SPTLC1: variants seen among roughly 807,000 people sequenced by gnomAD.
The protein encoded by SPTLC1 is serine palmitoyltransferase long chain base subunit 1.
SPTLC1 carries 55 observed loss-of-function variants against 68.9 expected under a neutral mutation model. That is an observed-to-expected ratio of 0.80 (90% CI 0.64 to 1.00). SPTLC1 has a LOEUF of 1.00. Among genes scored for constraint, SPTLC1 ranks in the 50% least tolerant of loss-of-function variants. The pLI is 0.00. For missense variants in SPTLC1, 449 were observed against 573.1 expected, an observed-to-expected ratio of 0.78 and a Z score of 2.21; for synonymous variants, 197 against 201.6, an observed-to-expected ratio of 0.98 and a Z score of 0.19.
chr9:92,077,521 C>T (rs1192737261), intron 5 of SPTLC1, among the ~76,000 whole-genome samples: 1 of 152,064 alleles, frequency 6.6e-6, no homozygotes, highest in African/African-American at 2.4e-5. Context: ...CAGCCTAGCT[C>T]CTCTGCCTCC....
intron 3 of SPTLC1, among the ~76,000 whole-genome samples, chr9:92,106,472 CAAAAAA>C (rs34928872): frequency 1.5e-5 from 1 of 68,374 alleles, no homozygotes. Flanking sequence ...GACTCCGTCT[CAAAAAA>C]AAAAAAAAAA....
At chr9:92,060,688 C>T (rs1455184451) in intron 6 of SPTLC1, among the ~76,000 whole-genome samples, 2 of 149,646 alleles carry the variant, frequency 1.3e-5, no homozygotes, top group East Asian at 3.9e-4. Context: ...GGGTGGATCA[C>T]GAGGTCAGGA....
intron 3 of SPTLC1, among the ~76,000 whole-genome samples, chr9:92,106,233 G>A (rs932837543): frequency 6.6e-6 from 1 of 152,048 alleles, no homozygotes; most frequent in African/African-American, 2.4e-5. Flanking sequence ...CTGCATTTTC[G>A]ACATTAAAGT....
At chr9:92,059,084 C>T (rs1833996199) in intron 7 of SPTLC1, 95 bp downstream of exon 7, 7 of 1,453,422 alleles carry the variant, frequency 4.8e-6, no homozygotes, top group South Asian at 1.2e-5. Flanking sequence ...ATGTGATCCA[C>T]AGGCAAGTTT....
At chr9:92,048,628 C>T (rs1448671299) in intron 9 of SPTLC1, among the ~76,000 whole-genome samples, 2 of 152,120 alleles carry the variant, frequency 1.3e-5, no homozygotes, top group Non-Finnish European at 2.9e-5. Context: ...TGTAGTGAGT[C>T]CCAGACTTCA....
chr9:92,091,101 T>G (rs1446873279), intron 3 of SPTLC1, among the ~76,000 whole-genome samples: 1 of 148,238 alleles, frequency 6.7e-6, no homozygotes, highest in South Asian at 2.1e-4. Context: ...TCTCTAACAA[T>G]GCTACCTTTA....
At chr9:92,104,494 C>G (rs1024257505) in intron 3 of SPTLC1, 6 of 1,408,970 alleles carry the variant, frequency 4.3e-6, no homozygotes, top group South Asian at 1.3e-5. Context: ...GGTCTGGAGC[C>G]CCCCCCTCAA....
intron 8 of SPTLC1, among the ~76,000 whole-genome samples, chr9:92,052,535 T>C (rs945640942): frequency 1.4e-5 from 2 of 143,542 alleles, no homozygotes; most frequent in Non-Finnish European, 3.1e-5. Context: ...ATTATTATTA[T>C]TTTTTTTTTT....
At chr9:92,040,073 T>TA (rs537037153) in intron 12 of SPTLC1, among the ~76,000 whole-genome samples, 1 of 152,080 alleles carries the variant, frequency 6.6e-6, no homozygotes, top group South Asian at 2.1e-4. Context: ...CTCACAGTAT[T>TA]AAAAAATTGC....
intron 3 of SPTLC1, chr9:92,108,538 T>C (rs897976787): frequency 1.6e-6 from 1 of 625,278 alleles, no homozygotes; most frequent in Non-Finnish European, 2.7e-6. Flanking sequence ...CAAACATTAA[T>C]GCTTAAATTG....
chr9:92,097,917 T>C (rs1039939248), intron 3 of SPTLC1, among the ~76,000 whole-genome samples: 1 of 152,214 alleles, frequency 6.6e-6, no homozygotes, highest in Non-Finnish European at 1.5e-5. Context: ...CAATAAGGCT[T>C]CTGTCTAAAG....
intron 5 of SPTLC1, among the ~76,000 whole-genome samples, chr9:92,075,915 A>G (rs1478303350): frequency 2.6e-5 from 4 of 151,978 alleles, no homozygotes; most frequent in African/African-American, 9.7e-5. Context: ...CCTTTTCCCC[A>G]TATTTCCCTT....
At chr9:92,114,154 C>G (rs1223584982) in intron 1 of SPTLC1, among the ~76,000 whole-genome samples, 1 of 151,872 alleles carries the variant, frequency 6.6e-6, no homozygotes. Context: ...TATGTGGTCC[C>G]AGCTACTCGG....
intron 6 of SPTLC1, among the ~76,000 whole-genome samples, chr9:92,064,128 A>G (rs897594690): frequency 2.0e-5 from 3 of 152,238 alleles, no homozygotes; most frequent in African/African-American, 7.2e-5. Flanking sequence ...TCCTAGAGCT[A>G]ATTAAGTGAG....
chr9:92,050,229 A>G, intron 8 of SPTLC1, 162 bp from the exon 9 acceptor site: 1 of 607,380 alleles, frequency 1.6e-6, no homozygotes, highest in South Asian at 1.9e-5. Context: ...TGCAACCTCC[A>G]TATCAATACT....
chr9:92,105,491 T>G (rs1402154790), intron 3 of SPTLC1: 37 of 779,854 alleles, frequency 4.7e-5, no homozygotes, highest in Non-Finnish European at 7.0e-5. Flanking sequence ...GATCAGGAGG[T>G]CAAGAGATTG....
At position 92,046,395 on chromosome 9, in the gene SPTLC1, A is replaced by C. The variant is rs1406167680; in HGVS notation, c.1082-342T>G. ...CTTTATCCTAAACAATTTGGTAAAAAATCAACTATAGTAAAGTAATTTTTA... is the reference window on the plus strand; with the variant it reads ...CTTTATCCTAAACAATTTGGTAAAACATCAACTATAGTAAAGTAATTTTTA... On this transcript the variant is annotated intron_variant, in intron 11 of 14. Coordinates refer to ENST00000262554, the MANE Select transcript of SPTLC1 (RefSeq NM_006415.4). 6 of 235,650 alleles carry C rather than the reference A, an allele frequency of 2.5e-5. No homozygotes were observed. The East Asian group carries it at 5.4e-4, about 21-fold the overall frequency. The allele number at this position is 235,650 out of a possible 1,614,324, so 14.6% of individuals were successfully genotyped here. A position where few individuals can be genotyped will look rare whatever the true frequency, so the allele number is the denominator to read the frequency against.
rs189601999 is a variant in SPTLC1, at chr9:92,069,431, C to T, written c.428-1333G>A. ...TTTCATTACACCAACATTAAATAAA[C>T]GTAGGACTTTACAACAACACACAGA... is the stretch of plus-strand genomic sequence containing the variant. On this transcript the variant is annotated intron_variant, in intron 5 of 14. Transcript: ENST00000262554. Among the ~76,000 whole-genome samples the T allele has an allele frequency of 3.4e-3, 517 of 152,212 alleles. 1 individual carries two copies. The highest frequency in any genetic ancestry group is 5.6e-3 in the Non-Finnish European group (381 of 68,016).
chr9:92,034,759 A>C, intron 14 of SPTLC1, 51 bp downstream of exon 14: 8 of 1,475,502 alleles, frequency 5.4e-6, no homozygotes, highest in South Asian at 3.4e-5. Flanking sequence ...CGTATTTCAT[A>C]GAGCTCAGAG....
Sources: allele counts gnomAD v4.1 joint callset (sites outside exome capture counted in the v4.1 genomes callset), GRCh38; gene constraint gnomAD v4.1.1; transcripts MANE v1.5; gene names NCBI Gene and HGNC (gene_info 2026-07-23, HGNC 2026-07-21).